AP1S2: variants seen among roughly 807,000 people sequenced by gnomAD.
The protein encoded by AP1S2 is adaptor related protein complex 1 subunit sigma 2.
In AP1S2, 1 loss-of-function variant was observed where a neutral mutation model predicts 14.3. That is an observed-to-expected ratio of 0.07 (90% CI 0.02 to 0.33). The LOEUF (loss-of-function observed/expected upper bound fraction) is 0.33, where lower values mean the gene tolerates loss of function less well. Among genes scored for constraint, AP1S2 ranks in the 10% least tolerant of loss-of-function variants. The probability of loss-of-function intolerance (pLI) is 0.99; values close to 1 mark genes in which losing one functional copy is unlikely to be tolerated. For synonymous variants in AP1S2, 30 were observed against 40.5 expected, an observed-to-expected ratio of 0.74 and a Z score of 0.99; for missense variants, 30 against 117.7, an observed-to-expected ratio of 0.25 and a Z score of 3.45.
intron 4 of AP1S2, among the ~76,000 whole-genome samples, chrX:15,834,481 A>ATTT (rs778337933): frequency 2.3e-4 from 3 of 13,008 alleles, no homozygotes; most frequent in African/African-American, 4.1e-4. Context: ...TATATATATA[A>ATTT]TTTTTTTTTT....
At chrX:15,850,655 T>C (rs1458899326) in intron 2 of AP1S2, among the ~76,000 whole-genome samples, 1 of 109,872 alleles carries the variant, frequency 9.1e-6, no homozygotes, top group Non-Finnish European at 1.9e-5. Context: ...GACCAAGTCT[T>C]ATCAAACCTA....
intron 4 of AP1S2, among the ~76,000 whole-genome samples, chrX:15,829,560 T>C (rs896715405): frequency 8.9e-6 from 1 of 111,987 alleles, no homozygotes; most frequent in Admixed American, 9.5e-5. Flanking sequence ...ATATGCATTA[T>C]TGAAAATATG....
At chrX:15,833,319 G>A in intron 4 of AP1S2, 1 of 862,335 alleles carries the variant, frequency 1.2e-6, no homozygotes, top group Non-Finnish European at 1.4e-6. Flanking sequence ...TGACCACCCA[G>A]GCATTTCCAC....
At chrX:15,842,002 T>C (rs952389981) in intron 4 of AP1S2, among the ~76,000 whole-genome samples, 1 of 111,611 alleles carries the variant, frequency 9.0e-6, no homozygotes, top group Admixed American at 9.5e-5. Flanking sequence ...GAGATTCCAC[T>C]TTCTCATTAG....
intron 4 of AP1S2, chrX:15,832,958 G>T (rs750122067): frequency 1.8e-6 from 2 of 1,116,913 alleles, no homozygotes; most frequent in Non-Finnish European, 2.3e-6. Context: ...ATTCTAGTAC[G>T]CTTTCTTAAA....
At position 15,836,693 on chromosome X, in the gene AP1S2, C is replaced by G. The variant is rs137903796; in HGVS notation, c.427-8493G>C. Reference sequence around the variant, plus strand: ...CCTCGGAGTTCAAGACCAGCCCTGACAACATGGCGAGACCCCATTTCTACT... The same window carrying G: ...CCTCGGAGTTCAAGACCAGCCCTGAGAACATGGCGAGACCCCATTTCTACT... On this transcript the variant is annotated intron_variant, in intron 4 of 5. Coordinates refer to ENST00000672987, the MANE Select transcript of AP1S2 (RefSeq NM_001272071.2). Among the ~76,000 whole-genome samples, 52 of 111,508 alleles carry G rather than the reference C, an allele frequency of 4.7e-4. No homozygotes were observed. In the East Asian group the frequency reaches 0.012, roughly 26 times the overall value.
intron 2 of AP1S2, among the ~76,000 whole-genome samples, chrX:15,851,412 C>T (rs947540104): frequency 8.9e-6 from 1 of 112,061 alleles, no homozygotes; most frequent in African/African-American, 3.2e-5. Context: ...GACTTCTCTC[C>T]CACCCTCATT....
At position 15,827,148 on chromosome X, in the gene AP1S2, CTTAA is replaced by C. The variant is rs993332274; in HGVS notation, c.*173_*176del. On this transcript the variant is annotated 3_prime_UTR_variant, in exon 6 of 6. Transcript: ENST00000672987. Reference sequence around the variant, plus strand: ...TAATTCATATTTAAGTCCCTTATCACTTAATTAACTAAAGTTCCCTTTTAAAAAA... The same window carrying C: ...TAATTCATATTTAAGTCCCTTATCACTTAACTAAAGTTCCCTTTTAAAAAA... 15 of 482,025 alleles carry C rather than the reference CTTAA, an allele frequency of 3.1e-5. No homozygotes were observed. The highest frequency in any genetic ancestry group is 1.2e-4 in the African/African-American group (5 of 42,205). 39.7% of individuals were successfully genotyped at this position (482,025 alleles called of 1,213,427 possible).
At chrX:15,850,235 T>A (rs1202162078) in intron 2 of AP1S2, among the ~76,000 whole-genome samples, 1 of 111,606 alleles carries the variant, frequency 9.0e-6, no homozygotes, top group East Asian at 2.8e-4. Flanking sequence ...GAAAGTCACA[T>A]AGACATCCCC....
chrX:15,829,232 G>A (rs955341040), intron 4 of AP1S2, among the ~76,000 whole-genome samples: 21 of 111,915 alleles, frequency 1.9e-4, no homozygotes, highest in Non-Finnish European at 1.1e-4. Flanking sequence ...ACACCCAAGA[G>A]TGATGTAAGC....
intron 5 of AP1S2, among the ~76,000 whole-genome samples, chrX:15,827,934 G>A (rs1287490461): frequency 1.8e-5 from 2 of 111,429 alleles, no homozygotes; most frequent in African/African-American, 6.5e-5. Flanking sequence ...AGAATGCCAT[G>A]GGCCAAAGGC....
intron 4 of AP1S2, among the ~76,000 whole-genome samples, chrX:15,828,406 T>G (rs925671055): frequency 9.0e-6 from 1 of 111,668 alleles, no homozygotes; most frequent in Admixed American, 9.5e-5. Flanking sequence ...TCTGCCTAAT[T>G]TATAGAAAGT....
chrX:15,854,647 T>C, intron 1 of AP1S2, 41 bp downstream of exon 1: 1 of 528,632 alleles, frequency 1.9e-6, no homozygotes, highest in Non-Finnish European at 2.3e-6. Flanking sequence ...CCTCCCCCTC[T>C]CCCCCATCCC....
At chrX:15,840,002 G>A (rs1191006594) in intron 4 of AP1S2, among the ~76,000 whole-genome samples, 3 of 111,412 alleles carry the variant, frequency 2.7e-5, no homozygotes, top group Non-Finnish European at 5.6e-5. Context: ...ATATAGCATA[G>A]TACTAAGATA....
chrX:15,835,432 AC>A (rs975698963), intron 4 of AP1S2, among the ~76,000 whole-genome samples: 1 of 111,688 alleles, frequency 9.0e-6, no homozygotes, highest in Non-Finnish European at 1.9e-5. Context: ...TGTGCCAAAG[AC>A]CAAGAAGGCC....
In AP1S2 at chrX:15,854,801, AC is replaced by A; in HGVS notation, c.-115del. ...GAAGCCGTGGTGCTGTGGGGAGGAC[AC>A]CCGGCTGGCATAGGGCAGGCTTAGG... On this transcript the variant is annotated 5_prime_UTR_variant, in exon 1 of 6. Transcript: ENST00000672987. The A allele has an allele frequency of 1.3e-6, 1 of 794,551 alleles. No individual in the cohort carries two copies. Among genetic ancestry groups the A allele is most frequent in the African/African-American group, 2.3e-5 (1 of 44,302 alleles). The allele number at this position is 794,551 out of a possible 1,213,427, so 65.5% of individuals were successfully genotyped here.
At position 15,825,997 on chromosome X, in the gene AP1S2, T is replaced by A. The variant is rs932680193; in HGVS notation, c.*1328A>T. ...TTTCAACATTTTACTGAAAAAAAAA[T>A]GAGAAATTCTTCCTTCAGCAGCTCT... On this transcript the variant is annotated 3_prime_UTR_variant, in exon 6 of 6. Transcript: ENST00000672987. The A allele has an allele frequency of 9.0e-6, 1 of 111,075 alleles. No homozygotes were observed. The highest frequency in any genetic ancestry group is 3.8e-4 in the South Asian group (1 of 2,664). 9.2% of individuals were successfully genotyped at this position (111,075 alleles called of 1,213,427 possible). A position where few individuals can be genotyped will look rare whatever the true frequency, so the allele number is the denominator to read the frequency against.
chrX:15,846,412 A>G (rs747298493), intron 2 of AP1S2, among the ~76,000 whole-genome samples: 1 of 112,112 alleles, frequency 8.9e-6, no homozygotes, highest in South Asian at 3.7e-4. Flanking sequence ...CTTGTTGAGG[A>G]TAATGCCAAG....
At chrX:15,851,280 G>A (rs935236112) in intron 2 of AP1S2, among the ~76,000 whole-genome samples, 1 of 112,023 alleles carries the variant, frequency 8.9e-6, no homozygotes, top group Admixed American at 9.4e-5. Flanking sequence ...CAATAATAAA[G>A]AGGAGTCCTC....
Sources: gnomAD v4.1 joint callset for allele counts (sites outside exome capture counted in the v4.1 genomes callset) on GRCh38, gnomAD v4.1.1 for gene constraint, MANE v1.5 for transcripts, NCBI Gene and HGNC (gene_info 2026-07-23, HGNC 2026-07-21) for gene names.